SPECC1L: variants seen among roughly 807,000 people sequenced by gnomAD.
SPECC1L encodes the protein sperm antigen with calponin homology and coiled-coil domains 1 like.
SPECC1L carries 40 observed loss-of-function variants against 116.8 expected under a neutral mutation model. That is an observed-to-expected ratio of 0.34 (90% CI 0.27 to 0.45). The LOEUF (loss-of-function observed/expected upper bound fraction) is 0.45, where lower values mean the gene tolerates loss of function less well. Ranked by LOEUF, SPECC1L falls within the 20% of genes least tolerant of loss-of-function variation. The probability of loss-of-function intolerance (pLI) is 1.00; values close to 1 mark genes in which losing one functional copy is unlikely to be tolerated. For missense variants in SPECC1L, 1,110 were observed against 1,373.6 expected, an observed-to-expected ratio of 0.81 and a Z score of 3.03; for synonymous variants, 504 against 500.6, an observed-to-expected ratio of 1.01 and a Z score of -0.09.
intron 3 of SPECC1L, among the ~76,000 whole-genome samples, chr22:24,304,855 G>A (rs78718445): frequency 0.025 from 3,738 of 152,314 alleles, 179 homozygotes; most frequent in African/African-American, 0.086. Context: ...AAAGATGCAT[G>A]TGAAACTTGG....
At chr22:24,349,808 T>A (rs2041384381) in intron 11 of SPECC1L, among the ~76,000 whole-genome samples, 1 of 152,208 alleles carries the variant, frequency 6.6e-6, no homozygotes, top group African/African-American at 2.4e-5. Context: ...CTCCCTGGTA[T>A]AAGCCACCAT....
At chr22:24,373,025 A>G (rs1456429897) in intron 14 of SPECC1L, among the ~76,000 whole-genome samples, 2 of 152,212 alleles carry the variant, frequency 1.3e-5, no homozygotes, top group Non-Finnish European at 2.9e-5. Flanking sequence ...CCCATTCACA[A>G]TTGCTTCAAA....
Position 24,305,710 on chromosome 22 carries a change from C to T in SPECC1L, c.153+3326C>T, listed in dbSNP as rs577729190. 5.9e-4 allele frequency among the ~76,000 whole-genome samples: 90 copies of T among 152,160 alleles called. 2 individuals are homozygous for T. In the South Asian group the frequency reaches 0.014, roughly 23 times the overall value. On this transcript the variant is annotated intron_variant, in intron 3 of 16. Coordinates refer to ENST00000314328, the MANE Select transcript of SPECC1L (RefSeq NM_015330.6). Reference sequence around the variant, plus strand: ...AGAATGAGGAGTGAAATTACTGGACCGTAGAGTATACCTATGTTCAGCTTT... The same window carrying T: ...AGAATGAGGAGTGAAATTACTGGACTGTAGAGTATACCTATGTTCAGCTTT...
chr22:24,369,400 C>G, intron 14 of SPECC1L, 80 bp downstream of exon 14: 1 of 1,011,546 alleles, frequency 9.9e-7, no homozygotes. Context: ...ACGTGTCACA[C>G]ATTAGAAATG....
chr22:24,331,371 C>G (rs1337254064), intron 8 of SPECC1L, among the ~76,000 whole-genome samples: 4 of 152,158 alleles, frequency 2.6e-5, no homozygotes, highest in South Asian at 2.1e-4. Context: ...ATTCCTTAAG[C>G]AGAACATGGA....
At chr22:24,363,440 A>G (rs1219722816) in intron 12 of SPECC1L, 96 bp downstream of exon 12, 9 of 1,068,162 alleles carry the variant, frequency 8.4e-6, no homozygotes, top group Admixed American at 1.8e-5. Flanking sequence ...CCTGGCCTCA[A>G]GCTATGCTCT....
chr22:24,393,954 G>A (rs2042319406), intron 14 of SPECC1L, among the ~76,000 whole-genome samples: 1 of 152,194 alleles, frequency 6.6e-6, no homozygotes, highest in South Asian at 2.1e-4. Flanking sequence ...TTTTAGGGGA[G>A]TTCTGGCTCC....
chr22:24,320,823 A>C (rs1217887666), intron 4 of SPECC1L, among the ~76,000 whole-genome samples: 2 of 152,152 alleles, frequency 1.3e-5, no homozygotes, highest in Admixed American at 6.5e-5. Context: ...TGGTTTTCCC[A>C]GAGACTGCTT....
chr22:24,358,844 C>CTA (rs1211798251), intron 11 of SPECC1L, among the ~76,000 whole-genome samples: 1 of 152,216 alleles, frequency 6.6e-6, no homozygotes, highest in Non-Finnish European at 1.5e-5. Flanking sequence ...CTACCTGTAA[C>CTA]TATTTATTTC....
In SPECC1L at chr22:24,300,024, A is replaced by T. The variant is rs2049345496; in HGVS notation, c.-37-2171A>T. ...CTTCCAGTTTTTTTGTTCTTTATTTAAAAAAGAAAACAAGATACATGTGCA... is the reference window on the plus strand; with the variant it reads ...CTTCCAGTTTTTTTGTTCTTTATTTTAAAAAGAAAACAAGATACATGTGCA... On this transcript the variant is annotated intron_variant, in intron 2 of 16. Coordinates refer to ENST00000314328, the MANE Select transcript of SPECC1L (RefSeq NM_015330.6). Among the ~76,000 whole-genome samples, 4 of 152,160 alleles carry T rather than the reference A, an allele frequency of 2.6e-5. 1 individual carries two copies. The South Asian group carries it at 8.3e-4, about 31-fold the overall frequency.
intron 14 of SPECC1L, among the ~76,000 whole-genome samples, chr22:24,388,392 G>A (rs368328501): frequency 2.0e-5 from 3 of 150,838 alleles, no homozygotes; most frequent in Admixed American, 6.6e-5. Context: ...AGCTTCATCC[G>A]TGTCCCTACA....
At chr22:24,308,026 T>C (rs1476841571) in intron 3 of SPECC1L, among the ~76,000 whole-genome samples, 1 of 152,132 alleles carries the variant, frequency 6.6e-6, no homozygotes, top group Non-Finnish European at 1.5e-5. Flanking sequence ...GTCATGATTA[T>C]CACTTCCCTG....
rs189333433 is a variant in SPECC1L at position 24,316,486 on chromosome 22, G to C, written c.307+3020G>C. On this transcript the variant is annotated intron_variant, in intron 4 of 16. Coordinates refer to ENST00000314328, the MANE Select transcript of SPECC1L (RefSeq NM_015330.6). ...TTAGGGAGTGGTGATGACTCTGAAC[G>C]AGCATGCTGCCTTCAAGCGTCTGTT... Among the ~76,000 whole-genome samples, 261 of 151,312 alleles carry C rather than the reference G, an allele frequency of 1.7e-3. 1 individual carries two copies. The highest frequency in any genetic ancestry group is 0.016 in the Admixed American group (239 of 15,230).
chr22:24,376,034 C>T (rs189533408), intron 14 of SPECC1L, among the ~76,000 whole-genome samples: 1 of 152,068 alleles, frequency 6.6e-6, no homozygotes. Context: ...GAAAGCTTTC[C>T]CCTTAAGATC....
chr22:24,401,510 T>C (rs996735111), intron 14 of SPECC1L, among the ~76,000 whole-genome samples: 9 of 152,240 alleles, frequency 5.9e-5, no homozygotes, highest in Admixed American at 2.6e-4. Flanking sequence ...CTTCCTTCAT[T>C]AGGCTTCCTC....
chr22:24,321,503 A>T lies in SPECC1L; in HGVS notation c.523A>T (p.Ile175Phe). The T allele has an allele frequency of 1.2e-6, 2 of 1,614,256 alleles. No homozygotes were observed. The highest frequency in any genetic ancestry group is 1.7e-6 in the Non-Finnish European group (2 of 1,180,046). The change falls in exon 5 of 17, where the codon ATC becomes TTC. Residue 175 changes from isoleucine to phenylalanine, a missense_variant. Ile to Phe is a conservative substitution (Grantham distance 21). Transcript: ENST00000314328. ...RMSKSKSDNQISDRAALEAKV... is the reference protein window; with the variant it reads ...RMSKSKSDNQFSDRAALEAKV... ...GAGCAAGTCTAAGTCAGACAATCAG[A>T]TCAGTGACAGAGCTGCTTTGGAGGC...
chr22:24,316,610 A>C (rs1162906027), intron 4 of SPECC1L, among the ~76,000 whole-genome samples: 1 of 149,500 alleles, frequency 6.7e-6, no homozygotes, highest in Non-Finnish European at 1.5e-5. Flanking sequence ...GTCACAGATC[A>C]ACAGGATCCC....
At chr22:24,411,492 G>C in intron 14 of SPECC1L, 96 bp from the exon 15 acceptor site, 1 of 1,126,988 alleles carries the variant, frequency 8.9e-7, no homozygotes, top group South Asian at 1.2e-5. Flanking sequence ...GTGTTTTGGA[G>C]GCCATGCAGC....
intron 2 of SPECC1L, among the ~76,000 whole-genome samples, chr22:24,283,892 G>C (rs766375673): frequency 6.6e-6 from 1 of 152,068 alleles, no homozygotes. Flanking sequence ...GCATAAAGTG[G>C]TTTCTAACAG....
Sources: allele counts gnomAD v4.1 joint callset (sites outside exome capture counted in the v4.1 genomes callset), GRCh38; gene constraint gnomAD v4.1.1; transcripts MANE v1.5; gene names NCBI Gene and HGNC (gene_info 2026-07-23, HGNC 2026-07-21).